ABCB4: variants seen among roughly 807,000 people sequenced by gnomAD.
ABCB4 encodes the protein phosphatidylcholine translocator ABCB4.
A neutral mutation model predicts 145.7 loss-of-function variants in ABCB4; 76 were observed. The observed-to-expected ratio is 0.52, with a 90% CI of 0.43 to 0.63. The LOEUF (loss-of-function observed/expected upper bound fraction) is 0.63. Among genes scored for constraint, ABCB4 ranks in the 30% least tolerant of loss-of-function variants. The pLI is 0.00. For synonymous variants in ABCB4, 517 were observed against 566.8 expected (o/e 0.91, Z 1.25); for missense variants, 1,234 against 1,553.1 (o/e 0.79, Z 3.45).
At chr7:87,388,118 A>G in the ABCB4 span, among the ~76,000 whole-genome samples, 1 of 152,148 alleles carries the variant, frequency 6.6e-6, no homozygotes, top group Non-Finnish European at 1.5e-5. Context: ...CCTGGAGCCA[A>G]GACTCCAAGG....
At chr7:87,472,235 T>C (rs1055260733) in intron 3 of ABCB4, among the ~76,000 whole-genome samples, 5 of 152,132 alleles carry the variant, frequency 3.3e-5, no homozygotes, top group South Asian at 4.2e-4. Context: ...GTCGTTGTTT[T>C]TGAGACAGGG....
In ABCB4 at chr7:87,408,118, G is replaced by A; in HGVS notation, c.3198C>T (p.Ala1066=). 3 of 1,614,152 alleles carry A rather than the reference G, an allele frequency of 1.9e-6. No individual in the cohort carries two copies. The South Asian group carries it at 3.3e-5, about 18-fold the overall frequency. The change falls in exon 25 of 28, where the codon GCC becomes GCT. Residue 1066 remains alanine, a synonymous_variant. Transcript: ENST00000649586. ...SLEVKKGQTL[A]LVGSSGCGKS... is the part of the protein sequence containing the mutation. ...TCCCACAGCCACTGCTGCCCACCAG[G>A]GCTAGTGTCTGGCCTTTCTTCACCT...
chr7:87,409,261 C>T lies in ABCB4; in HGVS notation c.3056G>A (p.Ser1019Asn). Residue 1019 changes from serine to asparagine, a missense_variant, in exon 24 of 28, where the codon AGC becomes AAC. Ser to Asn is a conservative substitution (Grantham distance 46). Around this residue, in one of 7 missense-constraint regions of ABCB4, gnomAD observed 301 missense variants for 389.0 expected, o/e 0.77. Coordinates refer to ENST00000649586, the MANE Select transcript of ABCB4 (RefSeq NM_000443.4). ...MLFERQPLID[S>N]YSEEGLKPDK... Reference sequence around the variant, plus strand: ...AGGCTTCAGCCCCTCTTCACTGTAGCTGTCAATCAGAGGTTGTCTTTCAAA... The same window carrying T: ...AGGCTTCAGCCCCTCTTCACTGTAGTTGTCAATCAGAGGTTGTCTTTCAAA... 1.2e-6 allele frequency: 2 copies of T among 1,614,112 alleles called. No individual in the cohort carries two copies. The highest frequency in any genetic ancestry group is 1.7e-6 in the Non-Finnish European group (2 of 1,179,990).
At chr7:87,370,961 TG>T in the ABCB4 span, among the ~76,000 whole-genome samples, 1 of 152,228 alleles carries the variant, frequency 6.6e-6, no homozygotes, top group African/African-American at 2.4e-5. Context: ...CCTTACATTC[TG>T]GGTAAGAGTT....
chr7:87,433,587 C>T (rs145927670), intron 14 of ABCB4, among the ~76,000 whole-genome samples: 43 of 150,920 alleles, frequency 2.8e-4, no homozygotes, highest in South Asian at 6.3e-4. Context: ...AAATAAAGTA[C>T]GTGTTCATCA....
At chr7:87,431,198 T>C (rs1219543278) in intron 15 of ABCB4, among the ~76,000 whole-genome samples, 1 of 152,238 alleles carries the variant, frequency 6.6e-6, no homozygotes, top group Admixed American at 6.5e-5. Flanking sequence ...CTAAGGAATA[T>C]ATCCATGATG....
the ABCB4 span, chr7:87,381,802 T>C: frequency 1.4e-6 from 1 of 695,816 alleles, no homozygotes; most frequent in Non-Finnish European, 2.4e-6. Flanking sequence ...ATTTGAAGAC[T>C]CTATGCTTTA....
the ABCB4 span, among the ~76,000 whole-genome samples, chr7:87,385,861 G>A: frequency 1.3e-5 from 2 of 152,208 alleles, no homozygotes; most frequent in Non-Finnish European, 2.9e-5. Flanking sequence ...CTTCTTTACT[G>A]AGTTTGTTGA....
chr7:87,408,336 C>T lies in ABCB4; in HGVS notation c.3082-102G>A, dbSNP rs1808362678. The T allele has an allele frequency of 1.0e-5, 12 of 1,159,100 alleles. No individual in the cohort carries two copies. In the Admixed American group the frequency reaches 2.0e-4, roughly 19 times the overall value. 71.8% of individuals were successfully genotyped at this position (1,159,100 alleles called of 1,614,324 possible). On this transcript the variant is annotated intron_variant, in intron 24 of 27. Transcript: ENST00000649586. ...TTTACCAAAGACTGTAGTAGAGAAA[C>T]ATAAAATTCATATTTGGTATAGTTC...
At chr7:87,475,283 G>A in intron 2 of ABCB4, 103 bp downstream of exon 2, 1 of 1,361,064 alleles carries the variant, frequency 7.3e-7, no homozygotes, top group Non-Finnish European at 1.1e-6. Flanking sequence ...CAAAACAAAG[G>A]TCTTCAAAGG....
intron 21 of ABCB4, among the ~76,000 whole-genome samples, chr7:87,415,502 T>C (rs902619782): frequency 2.5e-4 from 38 of 152,160 alleles, no homozygotes; most frequent in African/African-American, 8.9e-4. Flanking sequence ...ATATTTAATC[T>C]TTCATATTTC....
intron 3 of ABCB4, among the ~76,000 whole-genome samples, chr7:87,466,811 C>T (rs7782186): frequency 0.27 from 40,534 of 151,816 alleles, 6,542 homozygotes; most frequent in African/African-American, 0.46. Context: ...GCTTCATAAG[C>T]GAAGGAGAAA....
Position 87,417,450 on chromosome 7 carries a change from TATG to T in ABCB4, c.2541_2543del (p.Ile848del). On this transcript the variant is annotated inframe_deletion, in exon 21 of 28. Coordinates refer to ENST00000649586, the MANE Select transcript of ABCB4 (RefSeq NM_000443.4). Reference sequence around the variant, plus strand: ...TTAACTGCCAACCGTAGATAAATGATATGATAATACCAGTTCCAAGGTTAGCTA... The same window carrying T: ...TTAACTGCCAACCGTAGATAAATGATATAATACCAGTTCCAAGGTTAGCTA... The T allele has an allele frequency of 6.2e-7, 1 of 1,614,194 alleles. No homozygotes were observed. Among genetic ancestry groups the T allele is most frequent in the Non-Finnish European group, 8.5e-7 (1 of 1,180,024 alleles).
chr7:87,373,496 A>G, the ABCB4 span, among the ~76,000 whole-genome samples: 1 of 152,216 alleles, frequency 6.6e-6, no homozygotes, highest in African/African-American at 2.4e-5. Flanking sequence ...ACCATTGCCT[A>G]ATCTGAGGAC....
At chr7:87,375,251 G>A in the ABCB4 span, 1 of 177,376 alleles carries the variant, frequency 5.6e-6, no homozygotes. Context: ...AGTTAGATAA[G>A]ATGTACATTA....
chr7:87,436,337 C>T (rs1030302550), intron 14 of ABCB4, among the ~76,000 whole-genome samples: 1 of 150,514 alleles, frequency 6.6e-6, no homozygotes, highest in African/African-American at 2.4e-5. Context: ...AAAAAAAAAG[C>T]CTTAAAAACT....
At chr7:87,375,646 TCCA>T in the ABCB4 span, 3 of 1,612,876 alleles carry the variant, frequency 1.9e-6, no homozygotes, top group Non-Finnish European at 2.5e-6. Context: ...CTGACATATA[TCCA>T]CAAGAAGTGC....
At chr7:87,450,705 C>T (rs894120784) in intron 7 of ABCB4, among the ~76,000 whole-genome samples, 3 of 152,006 alleles carry the variant, frequency 2.0e-5, no homozygotes, top group Non-Finnish European at 4.4e-5. Flanking sequence ...CTCCTGACCT[C>T]GTGATCCACC....
In ABCB4 at chr7:87,402,293, C is replaced by A. The variant is rs1180429150; in HGVS notation, c.3643G>T (p.Glu1215Ter). 2.5e-6 allele frequency: 4 copies of A among 1,613,994 alleles called. No homozygotes were observed. In the South Asian group the frequency reaches 4.4e-5, roughly 18 times the overall value. ...LDTESEKVVQ[E>*]ALDKAREGRT... ...CCTTCTCTGGCTTTGTCCAGGGCTT[C>A]TTGGACAACCTATTGATAAATCAGA... is the stretch of plus-strand genomic sequence containing the variant. Residue 1215 changes from glutamate to a stop codon, truncating the protein, a stop_gained, in exon 28 of 28, where the codon GAA becomes TAA. Transcript: ENST00000649586. LOFTEE classifies it high-confidence loss of function.
Sources: gnomAD v4.1 joint callset for allele counts (sites outside exome capture counted in the v4.1 genomes callset) on GRCh38, gnomAD v4.1.1 for gene constraint, gnomAD v4.1.1 regional missense constraint, MANE v1.5 for transcripts, NCBI Gene and HGNC (gene_info 2026-07-23, HGNC 2026-07-21) for gene names.